MSR1: variants seen among roughly 807,000 people sequenced by gnomAD.
MSR1 encodes the protein macrophage scavenger receptor 1, also known as macrophage scavenger receptor types I and II.
Under a neutral mutation model 47.2 loss-of-function variants are expected in MSR1, and 53 were observed. The ratio of observed to expected loss-of-function variants is 1.12; its 90% confidence interval spans 0.90 to 1.41. The LOEUF (loss-of-function observed/expected upper bound fraction) is 1.41, where lower values mean the gene tolerates loss of function less well. Ranked by LOEUF, MSR1 falls within the 40% of genes most tolerant of loss-of-function variation. MSR1 has a pLI of 0.00. For synonymous variants in MSR1, 239 were observed against 185.6 expected (o/e 1.29, Z -2.34); for missense variants, 786 against 546.9 (o/e 1.44, Z -4.36).
chr8:16,125,723 G>T (rs1227427665), intron 8 of MSR1, among the ~76,000 whole-genome samples: 1 of 151,936 alleles, frequency 6.6e-6, no homozygotes, highest in Non-Finnish European at 1.5e-5. Flanking sequence ...TAGACATACT[G>T]GTACTTCAAC....
At chr8:16,154,310 G>A (rs1280084498) in intron 6 of MSR1, among the ~76,000 whole-genome samples, 1 of 151,754 alleles carries the variant, frequency 6.6e-6, no homozygotes, top group East Asian at 1.9e-4. Flanking sequence ...ACGGCATGCA[G>A]GATATTTGAT....
intron 1 of MSR1, among the ~76,000 whole-genome samples, chr8:16,192,084 T>C (rs1447160734): frequency 2.0e-5 from 3 of 152,100 alleles, no homozygotes; most frequent in Admixed American, 6.6e-5. Flanking sequence ...AAGAACTATA[T>C]CTTATTTTTT....
chr8:16,118,799 A>C (rs1799934007), intron 9 of MSR1, among the ~76,000 whole-genome samples: 1 of 152,178 alleles, frequency 6.6e-6, no homozygotes, highest in Admixed American at 6.5e-5. Flanking sequence ...AGAGTTGAGG[A>C]TTTTTTCTTT....
intron 8 of MSR1, among the ~76,000 whole-genome samples, chr8:16,137,157 C>T (rs1441443404): frequency 6.6e-6 from 1 of 152,098 alleles, no homozygotes; most frequent in Non-Finnish European, 1.5e-5. Flanking sequence ...GGTAGCTCTT[C>T]CCCAGGTGCA....
At chr8:16,143,442 G>A (rs947701074) in intron 8 of MSR1, 116 bp downstream of exon 8, 3 of 780,824 alleles carry the variant, frequency 3.8e-6, no homozygotes, top group Non-Finnish European at 6.5e-6. Context: ...GGCTTCCATA[G>A]AGTCTGTATG....
At chr8:16,173,402 C>T (rs550960027) in intron 3 of MSR1, among the ~76,000 whole-genome samples, 1 of 152,208 alleles carries the variant, frequency 6.6e-6, no homozygotes, top group African/African-American at 2.4e-5. Context: ...GTAATAATCC[C>T]AACAATGAAG....
At position 16,185,754 on chromosome 8, in the gene MSR1, A is replaced by G. The variant is rs550880409; in HGVS notation, c.-5+6844T>C. Among the ~76,000 whole-genome samples the G allele has an allele frequency of 4.6e-5, 7 of 152,210 alleles. No homozygotes were observed. In the East Asian group the frequency reaches 1.4e-3, roughly 29 times the overall value. ...TTAAGAGGAAAATCCAAGGGCATTAAGAGAGAGGACAAATTAATAGCATCT... is the reference window on the plus strand; with the variant it reads ...TTAAGAGGAAAATCCAAGGGCATTAGGAGAGAGGACAAATTAATAGCATCT... On this transcript the variant is annotated intron_variant, in intron 1 of 9. Transcript: ENST00000262101.
chr8:16,131,353 C>A (rs947139466), intron 8 of MSR1, among the ~76,000 whole-genome samples: 4 of 150,504 alleles, frequency 2.7e-5, no homozygotes, highest in African/African-American at 9.8e-5. Flanking sequence ...TTGTTAAGTT[C>A]CTTACAGATT....
At position 16,120,573 on chromosome 8, in the gene MSR1, C is replaced by T. The variant is rs757658982; in HGVS notation, c.1067G>A (p.Ser356Asn). The T allele has an allele frequency of 2.5e-6, 4 of 1,608,342 alleles. No homozygotes were observed. Among genetic ancestry groups the T allele is most frequent in the Admixed American group, 1.7e-5 (1 of 59,034 alleles). The change falls in exon 9 of 10, where the codon AGC becomes AAC. Residue 356 changes from serine (S) to asparagine (N), a missense_variant. Coordinates refer to ENST00000262101, the MANE Select transcript of MSR1 (RefSeq NM_138715.3). ...PFTKVRLVGG[S>N]GPHEGRVEIL... is the part of the protein sequence containing the mutation. ...CTCCACCCTCCCCTCGTGAGGGCCGCTCCCACCGACCAGTCGAACTTTCGT... is the reference window on the plus strand; with the variant it reads ...CTCCACCCTCCCCTCGTGAGGGCCGTTCCCACCGACCAGTCGAACTTTCGT...
Position 16,156,823 on chromosome 8 carries a change from G to A in MSR1, c.818-1679C>T, listed in dbSNP as rs533584884. ...GCTGCGAGACATATATTTAAATGCT[G>A]CACAAGAAATGTAAGATTTCTGTAT... On this transcript the variant is annotated intron_variant, in intron 5 of 9. Transcript: ENST00000262101. 1.3e-4 allele frequency among the ~76,000 whole-genome samples: 19 copies of A among 151,880 alleles called. 1 individual carries two copies. The South Asian group carries it at 3.1e-3, about 25-fold the overall frequency.
intron 1 of MSR1, among the ~76,000 whole-genome samples, chr8:16,189,701 A>T: frequency 1.2e-5 from 1 of 86,528 alleles, no homozygotes; most frequent in Non-Finnish European, 2.3e-5. Flanking sequence ...TATTTTATAT[A>T]TATATAAAAT....
intron 8 of MSR1, among the ~76,000 whole-genome samples, chr8:16,132,134 T>G (rs1441561775): frequency 1.3e-5 from 2 of 152,134 alleles, no homozygotes; most frequent in Non-Finnish European, 2.9e-5. Context: ...GGAATGTTTT[T>G]CTATTTTTTT....
intron 8 of MSR1, among the ~76,000 whole-genome samples, chr8:16,130,424 G>A (rs1363582858): frequency 1.3e-5 from 2 of 152,052 alleles, no homozygotes; most frequent in Non-Finnish European, 2.9e-5. Context: ...CCACTTAGAT[G>A]AGCACTGTAT....
intron 2 of MSR1, among the ~76,000 whole-genome samples, chr8:16,177,536 A>C (rs1801685900): frequency 6.6e-6 from 1 of 151,758 alleles, no homozygotes; most frequent in South Asian, 2.1e-4. Context: ...TTTCTGTTTT[A>C]AGCCTCCCAT....
At chr8:16,178,160 C>T (rs1339442101) in intron 1 of MSR1, among the ~76,000 whole-genome samples, 168 bp from the exon 2 acceptor site, 1 of 149,160 alleles carries the variant, frequency 6.7e-6, no homozygotes, top group African/African-American at 2.5e-5. Flanking sequence ...ACGTGCAGGT[C>T]TGTCATATAT....
intron 9 of MSR1, among the ~76,000 whole-genome samples, chr8:16,116,762 T>G (rs1670562945): frequency 6.6e-6 from 1 of 152,064 alleles, no homozygotes; most frequent in Non-Finnish European, 1.5e-5. Context: ...GTTAATACAA[T>G]TTTAGGACAA....
At chr8:16,169,493 C>T (rs1430438254) in intron 3 of MSR1, among the ~76,000 whole-genome samples, 1 of 152,072 alleles carries the variant, frequency 6.6e-6, no homozygotes, top group Non-Finnish European at 1.5e-5. Context: ...GTACGATTCT[C>T]ATAAGACTCC....
chr8:16,183,190 T>C (rs1018770347), intron 1 of MSR1, among the ~76,000 whole-genome samples: 1 of 152,154 alleles, frequency 6.6e-6, no homozygotes, highest in Non-Finnish European at 1.5e-5. Context: ...TGTTTGATTA[T>C]GGCTTTGATC....
intron 9 of MSR1, among the ~76,000 whole-genome samples, chr8:16,111,642 G>C (rs968885290): frequency 6.6e-6 from 1 of 151,518 alleles, no homozygotes; most frequent in African/African-American, 2.4e-5. Flanking sequence ...ATTGCAGTAA[G>C]GGAATTCACG....
Sources: allele counts gnomAD v4.1 joint callset (sites outside exome capture counted in the v4.1 genomes callset), GRCh38; gene constraint gnomAD v4.1.1; transcripts MANE v1.5; gene names NCBI Gene and HGNC (gene_info 2026-07-23, HGNC 2026-07-21).